The following KCNAB2 variants were observed in gnomAD, a reference collection of about 807,000 sequenced individuals.
KCNAB2 encodes the protein voltage-gated potassium channel subunit beta-2.
KCNAB2 carries 29 observed loss-of-function variants against 63.6 expected under a neutral mutation model. That is an observed-to-expected ratio of 0.46 (90% confidence interval 0.34 to 0.62). KCNAB2 has a LOEUF of 0.62. Ranked by LOEUF, KCNAB2 falls within the 20% of genes least tolerant of loss-of-function variation. The pLI, the probability that KCNAB2 is intolerant of heterozygous loss-of-function variation, is 0.01. For synonymous variants in KCNAB2, 222 were observed against 224.2 expected, an observed-to-expected ratio of 0.99 and a Z score of 0.09; for missense variants, 359 against 563.9, an observed-to-expected ratio of 0.64 and a Z score of 3.68.
intron 1 of KCNAB2, among the ~76,000 whole-genome samples, chr1:6,048,011 G>A (rs746140534): frequency 6.6e-6 from 1 of 152,196 alleles, no homozygotes; most frequent in Non-Finnish European, 1.5e-5. Context: ...GATTGCAAGC[G>A]GGCCCCCACA....
Position 6,056,544 on chromosome 1 carries a change from G to A in KCNAB2, c.218+4790G>A, listed in dbSNP as rs187928967. 1.1e-3 allele frequency among the ~76,000 whole-genome samples: 162 copies of A among 152,262 alleles called. 1 individual carries two copies. The highest frequency in any genetic ancestry group is 3.4e-3 in the African/African-American group (143 of 41,568). On this transcript the variant is annotated intron_variant, in intron 2 of 15. Coordinates refer to ENST00000378083, the MANE Select transcript of KCNAB2 (RefSeq NM_001199862.2). ...GAATGGCAGGCCAGAAGCTGTGGCC[G>A]GGCCCACACTGTGCTGACTGGACAC...
intron 3 of KCNAB2, 64 bp downstream of exon 3, chr1:6,072,862 T>C: frequency 6.6e-7 from 1 of 1,518,504 alleles, no homozygotes; most frequent in Non-Finnish European, 9.1e-7. Flanking sequence ...GGGCATGGAC[T>C]GAACTGGACA....
chr1:6,061,331 C>T (rs1220933040), intron 2 of KCNAB2, among the ~76,000 whole-genome samples: 1 of 152,190 alleles, frequency 6.6e-6, no homozygotes, highest in African/African-American at 2.4e-5. Flanking sequence ...CTGGGCCGGG[C>T]GGTGGCTCAC....
At chr1:6,016,298 C>T (rs1658495959) in intron 1 of KCNAB2, among the ~76,000 whole-genome samples, 2 of 152,188 alleles carry the variant, frequency 1.3e-5, no homozygotes, top group African/African-American at 4.8e-5. Context: ...GGTGGGACTC[C>T]ACAGGCCAGG....
At chr1:5,999,927 G>C (rs1028297225) in intron 1 of KCNAB2, among the ~76,000 whole-genome samples, 1 of 142,840 alleles carries the variant, frequency 7.0e-6, no homozygotes, top group Non-Finnish European at 1.5e-5. Flanking sequence ...TGCCCCGTCC[G>C]CATCCCGCCT....
At chr1:6,053,728 A>T (rs186405548) in intron 2 of KCNAB2, among the ~76,000 whole-genome samples, 4 of 152,254 alleles carry the variant, frequency 2.6e-5, no homozygotes, top group Admixed American at 6.5e-5. Flanking sequence ...TTTGTGATGG[A>T]GGATAGTTTA....
chr1:6,018,221 G>T (rs747930032), intron 1 of KCNAB2, among the ~76,000 whole-genome samples: 2 of 152,046 alleles, frequency 1.3e-5, no homozygotes, highest in Non-Finnish European at 2.9e-5. Context: ...ACAAGCATGA[G>T]CCACTGCGCC....
chr1:6,063,013 C>A (rs983484715), intron 2 of KCNAB2, among the ~76,000 whole-genome samples: 1 of 151,308 alleles, frequency 6.6e-6, no homozygotes, highest in African/African-American at 2.4e-5. Flanking sequence ...TCTGTCTCTA[C>A]GGATTCGCCT....
At chr1:6,095,935 A>G (rs1665596097) in intron 13 of KCNAB2, among the ~76,000 whole-genome samples, 2 of 107,634 alleles carry the variant, frequency 1.9e-5, no homozygotes, top group Non-Finnish European at 3.7e-5. Context: ...GCCCCCCACC[A>G]CAGCCCAGCA....
chr1:6,063,222 G>A (rs1186276215), intron 2 of KCNAB2, among the ~76,000 whole-genome samples: 3 of 151,320 alleles, frequency 2.0e-5, no homozygotes, highest in South Asian at 2.1e-4. Context: ...ACGGGGTTTC[G>A]CCATGTTGGC....
At chr1:6,085,273 T>C (rs1283994866) in intron 6 of KCNAB2, 25 bp downstream of exon 6, 1 of 1,609,990 alleles carries the variant, frequency 6.2e-7, no homozygotes, top group African/African-American at 1.3e-5. Context: ...CTCTGCGGCC[T>C]GTCCCTGGGG....
At chr1:6,047,396 G>A (rs1044561367) in intron 1 of KCNAB2, among the ~76,000 whole-genome samples, 12 of 152,118 alleles carry the variant, frequency 7.9e-5, no homozygotes, top group Non-Finnish European at 1.6e-4. Flanking sequence ...CGCTGGTAAC[G>A]GGCAGAGCCT....
intron 2 of KCNAB2, among the ~76,000 whole-genome samples, chr1:6,054,195 G>A (rs1661618131): frequency 6.6e-6 from 1 of 152,168 alleles, no homozygotes; most frequent in South Asian, 2.1e-4. Flanking sequence ...GCCATGTGGT[G>A]ATAGAGAGTG....
At chr1:6,009,315 C>T (rs1276460439) in intron 1 of KCNAB2, among the ~76,000 whole-genome samples, 1 of 152,242 alleles carries the variant, frequency 6.6e-6, no homozygotes, top group African/African-American at 2.4e-5. Flanking sequence ...CTCTCCCCAG[C>T]AGATCGCTGG....
chr1:6,005,774 G>A (rs72630653), intron 1 of KCNAB2, among the ~76,000 whole-genome samples: 12,163 of 151,998 alleles, frequency 0.08, 589 homozygotes, highest in Middle Eastern at 0.15. Context: ...GCAGATGGGG[G>A]TCTCCCTGCC....
At chr1:6,083,649 G>A (rs906734319) in intron 5 of KCNAB2, among the ~76,000 whole-genome samples, 52 of 152,354 alleles carry the variant, frequency 3.4e-4, no homozygotes, top group African/African-American at 1.0e-3. Flanking sequence ...CTGAGCCCCC[G>A]GTGGACGCCC....
At chr1:6,042,384 GAT>G (rs1188514768), upstream of KCNAB2, among the ~76,000 whole-genome samples, 2 of 152,188 alleles carry the variant, frequency 1.3e-5, no homozygotes, top group African/African-American at 2.4e-5. Context: ...ACATCTTTCT[GAT>G]ATGTTTTTCT....
intron 2 of KCNAB2, among the ~76,000 whole-genome samples, chr1:6,055,691 T>G (rs768608798): frequency 2.0e-5 from 3 of 151,842 alleles, no homozygotes; most frequent in African/African-American, 7.3e-5. Flanking sequence ...GGCCAGAGGT[T>G]GTTGTTACAC....
chr1:6,042,847 C>CA (rs1553122354), upstream of KCNAB2, among the ~76,000 whole-genome samples: 3 of 104,530 alleles, frequency 2.9e-5, no homozygotes, highest in Middle Eastern at 3.8e-3. Context: ...CTCCCCACCC[C>CA]CCCCCCCGTT....
Sources: allele counts gnomAD v4.1 joint callset (sites outside exome capture counted in the v4.1 genomes callset), GRCh38; gene constraint gnomAD v4.1.1; transcripts MANE v1.5; gene names NCBI Gene and HGNC (gene_info 2026-07-23, HGNC 2026-07-21).